Variants in UNC79 observed in about 807,000 individuals in gnomAD.
UNC79 encodes protein unc-79 homolog.
In UNC79, 37 loss-of-function variants were observed where a neutral mutation model predicts 283.1. The observed-to-expected ratio is 0.13, with a 90% confidence interval of 0.10 to 0.17. The LOEUF is 0.17. Among genes scored for constraint, UNC79 ranks in the 10% least tolerant of loss-of-function variants. UNC79 has a pLI of 1.00. For missense variants in UNC79, 2,272 were observed against 3,211.1 expected, an observed-to-expected ratio of 0.71 and a Z score of 7.07; for synonymous variants, 1,107 against 1,200.2, an observed-to-expected ratio of 0.92 and a Z score of 1.61.
chr14:93,365,387 A>G (rs1488025138), intron 1 of UNC79, among the ~76,000 whole-genome samples: 1 of 113,906 alleles, frequency 8.8e-6, no homozygotes, highest in African/African-American at 4.5e-5. Context: ...TCCATCTCAA[A>G]AAAAAAAAAA....
chr14:93,705,347 CAAAAA>C (rs71129656), intron 48 of UNC79, among the ~76,000 whole-genome samples: 2 of 87,524 alleles, frequency 2.3e-5, no homozygotes, highest in East Asian at 7.2e-4. Flanking sequence ...CCCAGTCTCT[CAAAAA>C]AAAAAAAAAA....
In UNC79 at chr14:93,431,062, GCCGGCCCGGCATT is replaced by G. The variant is rs1192432445; in HGVS notation, c.22+22_22+34del. The G allele has an allele frequency of 1.4e-6, 1 of 701,440 alleles. No individual in the cohort carries two copies. The highest frequency in any genetic ancestry group is 2.6e-6 in the Non-Finnish European group (1 of 384,584). 43.5% of individuals were successfully genotyped at this position (701,440 alleles called of 1,614,324 possible). On this transcript the variant is annotated intron_variant, in intron 1 of 48. Transcript: ENST00000555664. ...CCAAAGCGGAGCAGTGTAAGTAGCA[GCCGGCCCGGCATT>G]CCGGCCCGGCCTCGGCTGGGAGCTA...
chr14:93,404,710 A>G (rs2055191847), intron 1 of UNC79, among the ~76,000 whole-genome samples: 1 of 150,974 alleles, frequency 6.6e-6, no homozygotes, highest in South Asian at 2.1e-4. Context: ...ATATAAGCTT[A>G]AGTATATCAG....
intron 1 of UNC79, among the ~76,000 whole-genome samples, chr14:93,391,289 A>G (rs756884321): frequency 7.9e-5 from 12 of 152,196 alleles, no homozygotes; most frequent in Non-Finnish European, 1.6e-4. Flanking sequence ...AAAAAAGGAA[A>G]AGAAACTTGA....
chr14:93,690,099 C>T lies in UNC79; in HGVS notation c.7086-18C>T. On this transcript the variant is annotated intron_variant, in intron 44 of 48. Transcript: ENST00000555664. This position sits in a 1 kb window ranked among gnomAD's most constrained non-coding sequence, Gnocchi z 4.3. ...ACAAAACATAAAATCATCTTTAACACTCCTTCTTCTCTAATAGACCTAAAG... is the reference window on the plus strand; with the variant it reads ...ACAAAACATAAAATCATCTTTAACATTCCTTCTTCTCTAATAGACCTAAAG... The T allele has an allele frequency of 6.2e-7, 1 of 1,611,788 alleles. No individual in the cohort carries two copies.
intron 40 of UNC79, among the ~76,000 whole-genome samples, chr14:93,666,403 C>T (rs892936627): frequency 6.6e-6 from 1 of 151,952 alleles, no homozygotes; most frequent in Admixed American, 6.6e-5. Flanking sequence ...TGTCTAAAGA[C>T]AGCAAGAAAA....
chr14:93,393,355 G>C (rs910498026), intron 1 of UNC79, among the ~76,000 whole-genome samples: 11 of 152,054 alleles, frequency 7.2e-5, no homozygotes, highest in African/African-American at 2.4e-4. Flanking sequence ...TTAAAATAAG[G>C]CTCATTTCAG....
intron 24 of UNC79, among the ~76,000 whole-genome samples, chr14:93,599,351 TAAGTG>T (rs756151737): frequency 6.7e-5 from 7 of 104,420 alleles, no homozygotes; most frequent in Non-Finnish European, 1.4e-4. Context: ...TCCACATACT[TAAGTG>T]TGTGTGTGTG....
intron 31 of UNC79, among the ~76,000 whole-genome samples, chr14:93,631,521 C>T (rs183124586): frequency 6.6e-6 from 1 of 152,274 alleles, no homozygotes; most frequent in African/African-American, 2.4e-5. Context: ...TAAGCATGTC[C>T]ACATGTCTCA....
intron 1 of UNC79, among the ~76,000 whole-genome samples, chr14:93,380,316 A>G (rs1025989219): frequency 6.6e-6 from 1 of 152,230 alleles, no homozygotes; most frequent in African/African-American, 2.4e-5. Context: ...TCATATATGT[A>G]GTAAAAAGTA....
At position 93,474,055 on chromosome 14, in the gene UNC79, T is replaced by G; in HGVS notation, c.144-34T>G. On this transcript the variant is annotated intron_variant, in intron 2 of 48. Coordinates refer to ENST00000555664, the Ensembl canonical transcript of UNC79. This position sits in a 1 kb window ranked among gnomAD's most constrained non-coding sequence, Gnocchi z 4.1. ...TGTAATGTGCTGTTCTTTGTGTCTT[T>G]GTTGTCTCTTTTTTTTCTTTGTCCC... 6.7e-7 allele frequency: 1 copy of G among 1,500,548 alleles called. No homozygotes were observed. The highest frequency in any genetic ancestry group is 8.9e-7 in the Non-Finnish European group (1 of 1,127,750). The allele number at this position is 1,500,548 out of a possible 1,614,324, so 93.0% of individuals were successfully genotyped here.
intron 7 of UNC79, among the ~76,000 whole-genome samples, chr14:93,512,713 T>G (rs1332680258): frequency 6.6e-6 from 1 of 152,190 alleles, no homozygotes; most frequent in Non-Finnish European, 1.5e-5. Context: ...TGTTTTTAGG[T>G]CTAGAATTTT....
intron 11 of UNC79, among the ~76,000 whole-genome samples, chr14:93,537,750 C>T (rs1164352630): frequency 6.6e-6 from 1 of 152,186 alleles, no homozygotes; most frequent in Non-Finnish European, 1.5e-5. Flanking sequence ...CTTCCCAACA[C>T]AATGCCACTG....
intron 40 of UNC79, among the ~76,000 whole-genome samples, chr14:93,666,340 A>G (rs1031503892): frequency 6.6e-6 from 1 of 152,156 alleles, no homozygotes; most frequent in Non-Finnish European, 1.5e-5. Flanking sequence ...AGTTTACTAG[A>G]CTCACTAGGG....
rs375388638 is a variant in UNC79, at chr14:93,688,859, C to T, written c.7085+19C>T. Reference sequence around the variant, plus strand: ...AGCAAGGGTAAGACCCTTACTATTCCGGGAATGAGGGTAAAGAAGGCAGGA... The same window carrying T: ...AGCAAGGGTAAGACCCTTACTATTCTGGGAATGAGGGTAAAGAAGGCAGGA... On this transcript the variant is annotated intron_variant, in intron 44 of 48. Transcript: ENST00000555664. The surrounding 1 kb of genome is among the most constrained non-coding windows in gnomAD (Gnocchi z 4.0). 21 of 1,607,610 alleles carry T rather than the reference C, an allele frequency of 1.3e-5. No individual in the cohort carries two copies. Among genetic ancestry groups the T allele is most frequent in the Middle Eastern group, 1.7e-4 (1 of 5,822 alleles).
intron 10 of UNC79, 95 bp from the exon 11 acceptor site, chr14:93,532,455 G>T: frequency 7.1e-7 from 1 of 1,412,978 alleles, no homozygotes; most frequent in East Asian, 2.5e-5. Flanking sequence ...GATTGACAGA[G>T]TGAGCCACTG....
intron 5 of UNC79, among the ~76,000 whole-genome samples, chr14:93,493,902 T>TA (rs1491278051): frequency 0.072 from 1,006 of 13,900 alleles, no homozygotes; most frequent in East Asian, 0.14. Context: ...TATATATATA[T>TA]TTTTTTTTTT....
chr14:93,555,034 AC>A (rs2062090236), intron 14 of UNC79, among the ~76,000 whole-genome samples: 1 of 152,194 alleles, frequency 6.6e-6, no homozygotes, highest in South Asian at 2.1e-4. Flanking sequence ...GGCAAGTCAA[AC>A]AGTTATCAAA....
chr14:93,491,472 A>G (rs2058722357), intron 5 of UNC79, among the ~76,000 whole-genome samples: 2 of 152,194 alleles, frequency 1.3e-5, no homozygotes, highest in Non-Finnish European at 2.9e-5. Context: ...CTAGTTGGGT[A>G]GTAAAGCAGG....
Sources: gnomAD v4.1 joint callset for allele counts (sites outside exome capture counted in the v4.1 genomes callset) on GRCh38, gnomAD v4.1.1 for gene constraint, Gnocchi (gnomAD v3.1) non-coding constraint, MANE v1.5 for transcripts, NCBI Gene and HGNC (gene_info 2026-07-23, HGNC 2026-07-21) for gene names.